The following FRAS1 variants were observed in gnomAD, a reference collection of about 807,000 sequenced individuals.
FRAS1 encodes the protein Fraser extracellular matrix complex subunit 1.
In FRAS1, 290 loss-of-function variants were observed where a neutral mutation model predicts 435.2. The observed-to-expected ratio is 0.67, with a 90% CI of 0.61 to 0.73. The LOEUF is 0.73. FRAS1 is among the 30% of genes least tolerant of loss of function. The probability of loss-of-function intolerance (pLI) is 0.00; values close to 1 mark genes in which losing one functional copy is unlikely to be tolerated. For missense variants in FRAS1, 4,860 were observed against 5,001.5 expected, an observed-to-expected ratio of 0.97 and a Z score of 0.85; for synonymous variants, 1,800 against 1,851.0, an observed-to-expected ratio of 0.97 and a Z score of 0.71.
chr4:78,354,023 T>TAA lies in FRAS1; in HGVS notation c.2423-9470_2423-9469dup, dbSNP rs767987937. Among the ~76,000 whole-genome samples, 14 of 106,060 alleles carry TAA rather than the reference T, an allele frequency of 1.3e-4. 3 individuals are homozygous for TAA. The highest frequency in any genetic ancestry group is 4.0e-4 in the East Asian group (1 of 2,506). 69.6% of individuals were successfully genotyped at this position (106,060 alleles called of 152,430 possible). ...CAAAAAAATTAAAAAAAAAATAAAA[T>TAA]AAAAAAAAAAAAAAAAAAAAAGCTT... On this transcript the variant is annotated intron_variant, in intron 20 of 73. Coordinates refer to ENST00000512123, the MANE Select transcript of FRAS1 (RefSeq NM_025074.7).
Position 78,488,916 on chromosome 4 carries a change from G to A in FRAS1, c.8794G>A (p.Glu2932Lys). ...TGCCAAGGATTTGCTCCTAGTGAAGGAGAAGGAGGGTGTCCTGCATGTCCC... is the reference window on the plus strand; with the variant it reads ...TGCCAAGGATTTGCTCCTAGTGAAGAAGAAGGAGGGTGTCCTGCATGTCCC... ...QFAKDLLLVK[E>K]KEGVLHVPIT... Residue 2932 changes from glutamate to lysine, a missense_variant, in exon 59 of 74, where the codon GAG (glutamate) becomes AAG (lysine). Glu to Lys is a moderately conservative substitution (Grantham distance 56). Transcript: ENST00000512123. 1.9e-6 allele frequency: 3 copies of A among 1,613,304 alleles called. No homozygotes were observed. The highest frequency in any genetic ancestry group is 2.5e-6 in the Non-Finnish European group (3 of 1,179,664).
Position 78,542,602 on chromosome 4 carries a change from T to G in FRAS1, c.*1478T>G, listed in dbSNP as rs904429818. The G allele has an allele frequency of 6.5e-6, 1 of 152,682 alleles. No individual in the cohort carries two copies. Among genetic ancestry groups the G allele is most frequent in the Non-Finnish European group, 1.5e-5 (1 of 68,042 alleles). The allele number at this position is 152,682 out of a possible 1,614,324, so 9.5% of individuals were successfully genotyped here. ...TTGAGAACATTCCAAACTAGTAACA[T>G]TTCGCTACTAAAAGCTAGAAAGGAT... On this transcript the variant is annotated 3_prime_UTR_variant, in exon 74 of 74. Transcript: ENST00000512123.
intron 59 of FRAS1, 116 bp downstream of exon 59, chr4:78,489,196 C>A (rs1382232076): frequency 4.3e-6 from 4 of 930,898 alleles, no homozygotes; most frequent in Admixed American, 2.6e-5. Context: ...CTACAGGTGA[C>A]CCTTGAACAA....
intron 18 of FRAS1, among the ~76,000 whole-genome samples, chr4:78,325,198 G>T (rs1009521895): frequency 7.2e-5 from 11 of 152,110 alleles, no homozygotes; most frequent in Admixed American, 7.2e-4. Flanking sequence ...AGCCTCCTAG[G>T]GCTGGGTCTT....
chr4:78,161,618 A>G (rs1721139282), intron 2 of FRAS1, among the ~76,000 whole-genome samples: 1 of 151,788 alleles, frequency 6.6e-6, no homozygotes, highest in Non-Finnish European at 1.5e-5. Context: ...AGTTGCCAAA[A>G]TCTTGGTGCA....
intron 2 of FRAS1, among the ~76,000 whole-genome samples, chr4:78,069,279 G>A (rs1211401552): frequency 6.6e-6 from 1 of 152,160 alleles, no homozygotes; most frequent in Non-Finnish European, 1.5e-5. Flanking sequence ...ACCAGAAGTA[G>A]GTTATTCTGG....
intron 2 of FRAS1, among the ~76,000 whole-genome samples, chr4:78,115,698 C>T (rs1025118417): frequency 2.6e-5 from 4 of 152,040 alleles, no homozygotes; most frequent in African/African-American, 7.2e-5. Flanking sequence ...TTTTTTATTG[C>T]ATCTATTTGA....
intron 26 of FRAS1, among the ~76,000 whole-genome samples, chr4:78,378,970 A>G (rs931424620): frequency 6.6e-6 from 1 of 151,980 alleles, no homozygotes; most frequent in Non-Finnish European, 1.5e-5. Flanking sequence ...GTACTCCTAT[A>G]TTTTCTTCTA....
chr4:78,419,925 A>G (rs747936301), intron 33 of FRAS1, among the ~76,000 whole-genome samples: 1 of 152,138 alleles, frequency 6.6e-6, no homozygotes, highest in Non-Finnish European at 1.5e-5. Context: ...TATCACCAGG[A>G]CAGCACCCAG....
intron 2 of FRAS1, among the ~76,000 whole-genome samples, chr4:78,191,496 C>T (rs193031385): frequency 1.1e-4 from 17 of 149,528 alleles, no homozygotes; most frequent in Non-Finnish European, 1.6e-4. Context: ...GAAATCTGTT[C>T]GCACTACCAA....
At chr4:78,117,018 C>T (rs1013657628) in intron 2 of FRAS1, among the ~76,000 whole-genome samples, 6 of 152,162 alleles carry the variant, frequency 3.9e-5, no homozygotes, top group Non-Finnish European at 8.8e-5. Flanking sequence ...TCTTTTAGGG[C>T]AGGCCTGGTG....
At chr4:78,428,755 A>T (rs1315433458) in intron 35 of FRAS1, among the ~76,000 whole-genome samples, 1 of 152,240 alleles carries the variant, frequency 6.6e-6, no homozygotes, top group Admixed American at 6.5e-5. Flanking sequence ...CTTTACCAGT[A>T]GCATCTATGG....
chr4:78,452,269 T>G lies in FRAS1; in HGVS notation c.6678T>G (p.Thr2226=), dbSNP rs1719049084. The G allele has an allele frequency of 1.2e-6, 2 of 1,613,712 alleles. No homozygotes were observed. Among genetic ancestry groups the G allele is most frequent in the Non-Finnish European group, 1.7e-6 (2 of 1,179,784 alleles). The part of the protein sequence containing the change: ...KKITTLQLSA[T]DQDSGPTELI... The stretch of plus-strand genomic sequence containing the variant: ...TCACCACCCTGCAGCTGTCTGCCAC[T>G]GACCAGGACAGTGGGCCTACAGAAT... Residue 2226 remains threonine, a synonymous_variant, in exon 47 of 74, where the codon ACT becomes ACG. Coordinates refer to ENST00000512123, the MANE Select transcript of FRAS1 (RefSeq NM_025074.7).
At chr4:78,374,300 T>G in intron 25 of FRAS1, 49 bp downstream of exon 25, 1 of 1,514,390 alleles carries the variant, frequency 6.6e-7, no homozygotes, top group Non-Finnish European at 9.0e-7. Context: ...GGGCAGCAAG[T>G]AAGTCACATG....
intron 14 of FRAS1, among the ~76,000 whole-genome samples, chr4:78,304,654 G>T (rs1252941205): frequency 6.6e-6 from 1 of 152,038 alleles, no homozygotes; most frequent in Non-Finnish European, 1.5e-5. Flanking sequence ...TATTTGCGTA[G>T]AGGTGTTTGT....
At chr4:78,528,222 A>G (rs746544626) in intron 70 of FRAS1, among the ~76,000 whole-genome samples, 28 of 152,328 alleles carry the variant, frequency 1.8e-4, no homozygotes, top group Middle Eastern at 6.8e-3. Context: ...AGCTAGCAGC[A>G]GATCAGGCGG....
chr4:78,340,999 C>T (rs998858244), intron 20 of FRAS1, among the ~76,000 whole-genome samples: 3 of 152,148 alleles, frequency 2.0e-5, no homozygotes, highest in East Asian at 1.9e-4. Context: ...AGAATGAATT[C>T]AGCCCACAAC....
At chr4:78,061,122 C>T (rs944617528) in intron 1 of FRAS1, among the ~76,000 whole-genome samples, 1 of 152,144 alleles carries the variant, frequency 6.6e-6, no homozygotes, top group Non-Finnish European at 1.5e-5. Context: ...GCTAGGATTA[C>T]AGGTGTGAGC....
At chr4:78,145,782 C>T (rs180837579) in intron 2 of FRAS1, among the ~76,000 whole-genome samples, 18 of 152,200 alleles carry the variant, frequency 1.2e-4, no homozygotes, top group Non-Finnish European at 2.4e-4. Flanking sequence ...TTTATAATTC[C>T]TACGTGTTGT....
Sources: allele counts gnomAD v4.1 joint callset (sites outside exome capture counted in the v4.1 genomes callset), GRCh38; gene constraint gnomAD v4.1.1; transcripts MANE v1.5; gene names NCBI Gene and HGNC (gene_info 2026-07-23, HGNC 2026-07-21).